Variants in GREB1L observed in about 807,000 individuals in gnomAD.
GREB1L encodes the protein GREB1 like retinoic acid receptor coactivator, also known as GREB1-like protein.
GREB1L carries 17 observed loss-of-function variants against 200.8 expected under a neutral mutation model. The observed-to-expected ratio is 0.08, with a 90% confidence interval of 0.06 to 0.13. GREB1L has a LOEUF of 0.13. Ranked by LOEUF, GREB1L falls within the 10% of genes least tolerant of loss-of-function variation. The probability of loss-of-function intolerance (pLI) is 1.00; values close to 1 mark genes in which losing one functional copy is unlikely to be tolerated. For synonymous variants in GREB1L, 789 were observed against 893.0 expected (o/e 0.88, Z 2.08); for missense variants, 1,657 against 2,367.7 (o/e 0.70, Z 6.23).
intron 1 of GREB1L, among the ~76,000 whole-genome samples, chr18:21,300,703 C>T (rs759710092): frequency 7.2e-5 from 11 of 152,192 alleles, no homozygotes; most frequent in Admixed American, 2.0e-4. Context: ...AGGACTTCTT[C>T]CACTGCTGTG....
At chr18:21,372,148 CTCTT>C (rs1567957546) in intron 2 of GREB1L, among the ~76,000 whole-genome samples, 1 of 149,988 alleles carries the variant, frequency 6.7e-6, no homozygotes, top group Non-Finnish European at 1.5e-5. Flanking sequence ...AAATTTGTCT[CTCTT>C]TTTTTTTTTT....
chr18:21,249,734 C>T (rs2037669678), intron 1 of GREB1L, among the ~76,000 whole-genome samples: 1 of 152,024 alleles, frequency 6.6e-6, no homozygotes, highest in South Asian at 2.1e-4. Context: ...GTGGTGTATG[C>T]CTGTAATCCC....
intron 2 of GREB1L, among the ~76,000 whole-genome samples, chr18:21,381,742 C>G (rs1241694013): frequency 1.3e-5 from 2 of 152,188 alleles, no homozygotes; most frequent in Non-Finnish European, 2.9e-5. Flanking sequence ...GAATGGACAG[C>G]TGACCCATTT....
At chr18:21,522,520 A>G (rs2037621381) in intron 32 of GREB1L, 138 bp from the exon 33 acceptor site, 2 of 680,688 alleles carry the variant, frequency 2.9e-6, no homozygotes, top group African/African-American at 3.7e-5. Flanking sequence ...CTACTTAATA[A>G]AATAAAACAA....
intron 7 of GREB1L, among the ~76,000 whole-genome samples, chr18:21,418,499 T>C (rs1033072514): frequency 3.9e-5 from 6 of 152,172 alleles, no homozygotes; most frequent in African/African-American, 1.2e-4. Context: ...TTATTTTTAT[T>C]GTTTTTTAAA....
chr18:21,467,532 A>G (rs560481918), intron 15 of GREB1L, among the ~76,000 whole-genome samples: 1 of 152,336 alleles, frequency 6.6e-6, no homozygotes, highest in East Asian at 1.9e-4. Flanking sequence ...AATCAAAACC[A>G]CAATGAGAGA....
chr18:21,406,366 G>A (rs542541838), intron 7 of GREB1L, among the ~76,000 whole-genome samples: 1 of 152,124 alleles, frequency 6.6e-6, no homozygotes, highest in Non-Finnish European at 1.5e-5. Flanking sequence ...ACATTCTTTT[G>A]TGTCCCTTGT....
At chr18:21,244,817 T>C (rs1442994047) in intron 1 of GREB1L, among the ~76,000 whole-genome samples, 3 of 152,216 alleles carry the variant, frequency 2.0e-5, no homozygotes, top group African/African-American at 7.2e-5. Context: ...TCACCTTGTG[T>C]GGCTAAGGAG....
At chr18:21,364,455 G>A (rs994309713) in intron 1 of GREB1L, among the ~76,000 whole-genome samples, 10 of 151,942 alleles carry the variant, frequency 6.6e-5, no homozygotes, top group Non-Finnish European at 1.5e-4. Context: ...GAGTAAGAAA[G>A]GAGAAGAGGG....
intron 1 of GREB1L, among the ~76,000 whole-genome samples, chr18:21,269,123 A>C (rs2038038258): frequency 6.6e-6 from 1 of 152,168 alleles, no homozygotes; most frequent in Admixed American, 6.5e-5. Flanking sequence ...ATGCCTGGGT[A>C]CTTTCTGGGA....
At chr18:21,468,050 A>G (rs1315133768) in intron 15 of GREB1L, among the ~76,000 whole-genome samples, 1 of 152,022 alleles carries the variant, frequency 6.6e-6, no homozygotes, top group Admixed American at 6.6e-5. Flanking sequence ...AAGATACGAA[A>G]TGAGAGAGAA....
chr18:21,267,465 A>G (rs2037990403), intron 1 of GREB1L, among the ~76,000 whole-genome samples: 1 of 152,174 alleles, frequency 6.6e-6, no homozygotes, highest in Admixed American at 6.5e-5. Context: ...TACAGGCATG[A>G]GCCACTGTGC....
intron 16 of GREB1L, 104 bp downstream of exon 16, chr18:21,473,315 A>G: frequency 1.2e-6 from 1 of 824,212 alleles, no homozygotes; most frequent in Non-Finnish European, 1.7e-6. Flanking sequence ...CACACCTGTA[A>G]TCCCAACACT....
chr18:21,428,332 C>CT (rs59982674), intron 7 of GREB1L, among the ~76,000 whole-genome samples: 817 of 54,036 alleles, frequency 0.015, 57 homozygotes, highest in Non-Finnish European at 0.021. Context: ...GTCTTTTTGT[C>CT]TTTTTTTTTT....
intron 5 of GREB1L, among the ~76,000 whole-genome samples, chr18:21,398,822 T>C (rs2041193010): frequency 6.6e-6 from 1 of 152,204 alleles, no homozygotes. Flanking sequence ...AAATCTACCA[T>C]GCAATTGGAA....
At chr18:21,396,397 G>A (rs964239042) in intron 5 of GREB1L, among the ~76,000 whole-genome samples, 2 of 151,872 alleles carry the variant, frequency 1.3e-5, no homozygotes, top group Non-Finnish European at 2.9e-5. Context: ...TGACTTTTTT[G>A]ACCAGACATT....
intron 7 of GREB1L, among the ~76,000 whole-genome samples, chr18:21,426,018 T>G (rs1274058732): frequency 1.3e-5 from 2 of 152,140 alleles, no homozygotes; most frequent in Non-Finnish European, 2.9e-5. Context: ...CTATTAGCTA[T>G]TAGCCATTAC....
intron 1 of GREB1L, among the ~76,000 whole-genome samples, chr18:21,250,098 G>C (rs2037677161): frequency 1.3e-5 from 2 of 152,148 alleles, no homozygotes; most frequent in Admixed American, 1.3e-4. Context: ...AAGGTTAGGG[G>C]AAGAGGGTTT....
chr18:21,411,121 A>T (rs1469457859), intron 7 of GREB1L, among the ~76,000 whole-genome samples: 2 of 152,214 alleles, frequency 1.3e-5, no homozygotes, highest in African/African-American at 4.8e-5. Flanking sequence ...GGTAATGAGG[A>T]AAATTAAATT....
Sources: allele counts gnomAD v4.1 joint callset (sites outside exome capture counted in the v4.1 genomes callset), GRCh38; gene constraint gnomAD v4.1.1; transcripts MANE v1.5; gene names NCBI Gene and HGNC (gene_info 2026-07-23, HGNC 2026-07-21).